TDRD3: variants seen among roughly 807,000 people sequenced by gnomAD.
TDRD3 encodes the protein tudor domain-containing protein 3.
A neutral mutation model predicts 86.7 loss-of-function variants in TDRD3; 45 were observed. The observed-to-expected ratio is 0.52, with a 90% CI of 0.41 to 0.67. The LOEUF is 0.67. TDRD3 is among the 30% of genes least tolerant of loss of function. The pLI, the probability that TDRD3 is intolerant of heterozygous loss-of-function variation, is 0.00. For synonymous variants in TDRD3, 298 were observed against 301.7 expected (o/e 0.99, Z 0.13); for missense variants, 814 against 889.0 (o/e 0.92, Z 1.07).
rs1416746716 is a variant in TDRD3, at chr13:60,558,223, T to C, written c.2119-9302T>C. 2.6e-5 allele frequency among the ~76,000 whole-genome samples: 4 copies of C among 152,324 alleles called. No individual in the cohort carries two copies. In the East Asian group the frequency reaches 7.7e-4, roughly 29 times the overall value. On this transcript the variant is annotated intron_variant, in intron 12 of 13. Transcript: ENST00000377881. ...CATACATAAAATATATTGGCCTGTT[T>C]TAGCATTAAAAGCATTCTGGCATTA...
chr13:60,459,181 A>G (rs1362454621), intron 3 of TDRD3, among the ~76,000 whole-genome samples: 4 of 152,236 alleles, frequency 2.6e-5, no homozygotes, highest in African/African-American at 9.6e-5. Flanking sequence ...TTGCTTAGGA[A>G]ATGTAGTGTA....
At position 60,441,057 on chromosome 13, in the gene TDRD3, A is replaced by T. The variant is rs1955253534; in HGVS notation, c.126+1285A>T. 3.9e-5 allele frequency among the ~76,000 whole-genome samples: 6 copies of T among 152,096 alleles called. No homozygotes were observed. In the South Asian group the frequency reaches 1.0e-3, roughly 26 times the overall value. On this transcript the variant is annotated intron_variant, in intron 2 of 13. Coordinates refer to ENST00000377881, the MANE Select transcript of TDRD3 (RefSeq NM_001146070.2). ...TTAACAAGACAAGTAAGATCATTTT[A>T]TTTTGGTTTCTGAGCTAAGTATTTA...
intron 11 of TDRD3, among the ~76,000 whole-genome samples, chr13:60,533,926 T>G (rs369673809): frequency 6.6e-6 from 1 of 152,226 alleles, no homozygotes; most frequent in Non-Finnish European, 1.5e-5. Flanking sequence ...CATTCAGACC[T>G]ACAATTTGGG....
At chr13:60,549,367 A>T (rs1957996531) in intron 12 of TDRD3, among the ~76,000 whole-genome samples, 1 of 152,134 alleles carries the variant, frequency 6.6e-6, no homozygotes, top group Admixed American at 6.5e-5. Flanking sequence ...CTGTGTCATC[A>T]TAGTGACTAT....
chr13:60,509,648 C>T, intron 8 of TDRD3, 115 bp from the exon 9 acceptor site: 1 of 1,275,862 alleles, frequency 7.8e-7, no homozygotes, highest in Non-Finnish European at 1.1e-6. Flanking sequence ...ATTAGAATGA[C>T]ATTTTTACAT....
chr13:60,539,428 G>T (rs1244396230), intron 12 of TDRD3, among the ~76,000 whole-genome samples: 1 of 151,604 alleles, frequency 6.6e-6, no homozygotes, highest in African/African-American at 2.4e-5. Flanking sequence ...AATAATTATA[G>T]GTTATTATTC....
At chr13:60,432,875 T>G (rs982926972) in intron 1 of TDRD3, among the ~76,000 whole-genome samples, 3 of 152,148 alleles carry the variant, frequency 2.0e-5, no homozygotes, top group Non-Finnish European at 4.4e-5. Flanking sequence ...CATTTTGGTA[T>G]TTGGATATCA....
Position 60,490,050 on chromosome 13 carries a change from GT to G in TDRD3, c.717+4124del, listed in dbSNP as rs11397531. ...AATATTTGATAATTAAAGCATCTTA[GT>G]TTTTTTTTTTTTTTTTTTTTTACAG... On this transcript the variant is annotated intron_variant, in intron 7 of 13. Transcript: ENST00000377881. Among the ~76,000 whole-genome samples, 764 of 111,032 alleles carry G rather than the reference GT, an allele frequency of 6.9e-3. 5 individuals are homozygous for G. Among genetic ancestry groups the G allele is most frequent in the African/African-American group, 0.025 (702 of 28,602 alleles). The allele number at this position is 111,032 out of a possible 152,430, so 72.8% of individuals were successfully genotyped here.
intron 4 of TDRD3, 72 bp downstream of exon 4, chr13:60,460,612 A>G: frequency 7.2e-7 from 1 of 1,397,452 alleles, no homozygotes; most frequent in Non-Finnish European, 9.5e-7. Flanking sequence ...TAACTTAAGA[A>G]TTTTGAAAAG....
intron 10 of TDRD3, among the ~76,000 whole-genome samples, chr13:60,513,232 T>G (rs962814867): frequency 1.3e-5 from 2 of 152,188 alleles, no homozygotes; most frequent in African/African-American, 4.8e-5. Flanking sequence ...GTGCCTGGGA[T>G]GCAGGGCACC....
intron 8 of TDRD3, among the ~76,000 whole-genome samples, chr13:60,496,094 A>C (rs553370455): frequency 1.2e-4 from 18 of 151,564 alleles, no homozygotes; most frequent in African/African-American, 3.9e-4. Flanking sequence ...CTACAATATA[A>C]ACAGGTAGAA....
In TDRD3 at chr13:60,567,506, C is replaced by A. The variant is rs1273056142; in HGVS notation, c.2119-19C>A. On this transcript the variant is annotated intron_variant, in intron 12 of 13. Transcript: ENST00000377881. ...TGGAGCCATTTTGAACATGTAAAAT[C>A]ACTACTCTTTGCAAATAGGAGGAAG... 1 of 1,613,846 alleles carries A rather than the reference C, an allele frequency of 6.2e-7. No individual in the cohort carries two copies. The highest frequency in any genetic ancestry group is 8.5e-7 in the Non-Finnish European group (1 of 1,179,980).
intron 12 of TDRD3, among the ~76,000 whole-genome samples, chr13:60,552,837 C>T (rs148032750): frequency 9.2e-5 from 14 of 152,354 alleles, no homozygotes; most frequent in African/African-American, 3.1e-4. Flanking sequence ...TTTGAAGCCA[C>T]AGCCCAAGTT....
chr13:60,479,853 G>A (rs1282933359), intron 5 of TDRD3, among the ~76,000 whole-genome samples: 1 of 152,184 alleles, frequency 6.6e-6, no homozygotes, highest in African/African-American at 2.4e-5. Flanking sequence ...TTGCCTGAAA[G>A]ATGTTTCTCC....
chr13:60,453,002 C>T (rs528029750), intron 3 of TDRD3, among the ~76,000 whole-genome samples: 2 of 151,922 alleles, frequency 1.3e-5, no homozygotes, highest in South Asian at 2.1e-4. Context: ...ATTTATTTTT[C>T]TTCTACCTGA....
intron 12 of TDRD3, among the ~76,000 whole-genome samples, chr13:60,546,549 A>G (rs1308016452): frequency 6.6e-6 from 1 of 152,138 alleles, no homozygotes; most frequent in Non-Finnish European, 1.5e-5. Flanking sequence ...ATTTATTGAA[A>G]ATATTTAAAG....
At chr13:60,481,349 G>GTTTTT (rs796837758) in intron 5 of TDRD3, among the ~76,000 whole-genome samples, 7 of 137,370 alleles carry the variant, frequency 5.1e-5, no homozygotes, top group Non-Finnish European at 7.8e-5. Flanking sequence ...CCCTCTTTGT[G>GTTTTT]TTTTTTTTTT....
chr13:60,572,915 G>GC (rs1454360401), intron 13 of TDRD3, among the ~76,000 whole-genome samples: 2 of 152,104 alleles, frequency 1.3e-5, no homozygotes, highest in Non-Finnish European at 2.9e-5. Flanking sequence ...AGAACAGGCA[G>GC]CAGGTGAGGA....
At chr13:60,414,817 T>G (rs1188877929) in intron 1 of TDRD3, among the ~76,000 whole-genome samples, 1 of 152,118 alleles carries the variant, frequency 6.6e-6, no homozygotes, top group African/African-American at 2.4e-5. Context: ...TTCATTGGTT[T>G]CAATTGAGCA....
Sources: allele counts gnomAD v4.1 joint callset (sites outside exome capture counted in the v4.1 genomes callset), GRCh38; gene constraint gnomAD v4.1.1; transcripts MANE v1.5; gene names NCBI Gene and HGNC (gene_info 2026-07-23, HGNC 2026-07-21).